Variants in ATXN7 observed in about 807,000 individuals in gnomAD.
The protein encoded by ATXN7 is ataxin-7.
In ATXN7, 12 loss-of-function variants were observed where a neutral mutation model predicts 70.5. The observed-to-expected ratio is 0.17, with a 90% CI of 0.11 to 0.28. The LOEUF (loss-of-function observed/expected upper bound fraction) is 0.28. Ranked by LOEUF, ATXN7 falls within the 10% of genes least tolerant of loss-of-function variation. The pLI, the probability that ATXN7 is intolerant of heterozygous loss-of-function variation, is 1.00. For missense variants in ATXN7, 1,256 were observed against 1,131.7 expected (o/e 1.11, Z -1.58); for synonymous variants, 498 against 448.7 (o/e 1.11, Z -1.39).
intron 8 of ATXN7, among the ~76,000 whole-genome samples, chr3:63,983,618 GAAAAA>G (rs55756729): frequency 6.8e-6 from 1 of 147,134 alleles, no homozygotes; most frequent in East Asian, 2.0e-4. Flanking sequence ...TCTTTTAAGA[GAAAAA>G]AAAAACTAGA....
intron 1 of ATXN7, 97 bp from the exon 2 acceptor site, chr3:63,898,302 T>C (rs1346484623): frequency 2.6e-5 from 4 of 152,140 alleles, no homozygotes; most frequent in Admixed American, 2.0e-4. Flanking sequence ...AAAGCACATA[T>C]AATTTTGGAA....
chr3:63,896,571 A>G (rs1703455563), intron 1 of ATXN7, among the ~76,000 whole-genome samples: 1 of 152,194 alleles, frequency 6.6e-6, no homozygotes, highest in African/African-American at 2.4e-5. Flanking sequence ...CTGTTTCTTC[A>G]GTAGTAAAAT....
intron 5 of ATXN7, among the ~76,000 whole-genome samples, chr3:63,977,534 C>T (rs17069592): frequency 0.061 from 9,343 of 152,014 alleles, 508 homozygotes; most frequent in African/African-American, 0.15. Flanking sequence ...TAGATAAACA[C>T]GGATGAATAT....
intron 4 of ATXN7, among the ~76,000 whole-genome samples, chr3:63,935,283 C>T (rs1345429345): frequency 1.3e-5 from 2 of 152,154 alleles, no homozygotes; most frequent in South Asian, 2.1e-4. Context: ...GGAGCACTGT[C>T]TCCCTATCTT....
In ATXN7 at chr3:63,884,890, C is replaced by G. The variant is rs1703040096; in HGVS notation, c.-110-13509C>G. ...CCCAAGCTGGTCTTGAACTCCTGGG[C>G]TCAAGCGATTCACCTGCCTCAGCCT... On this transcript the variant is annotated intron_variant, in intron 1 of 12. Coordinates refer to ENST00000674280, the MANE Select transcript of ATXN7 (RefSeq NM_001377405.1). Among the ~76,000 whole-genome samples, 5 of 151,504 alleles carry G rather than the reference C, an allele frequency of 3.3e-5. No individual in the cohort carries two copies. The South Asian group carries it at 1.0e-3, about 32-fold the overall frequency.
rs765596783 is a variant in ATXN7 at position 63,995,713 on chromosome 3, G to T, written c.1891G>T (p.Ala631Ser). 2 of 1,614,202 alleles carry T rather than the reference G, an allele frequency of 1.2e-6. No individual in the cohort carries two copies. The highest frequency in any genetic ancestry group is 2.2e-5 in the South Asian group (2 of 91,080). ...AACCACACTAAATGCACAGCCTGCT[G>T]CTTCAGGGGCGATGGATCCTGTGTG... ...HGTTLNAQPA[A>S]SGAMDPVCSM... is the part of the protein sequence containing the mutation. The change falls in exon 12 of 13, where the codon GCT becomes TCT. Residue 631 changes from alanine to serine, a missense_variant. Physicochemically the swap from Ala to Ser is moderately conservative, Grantham distance 99 (BLOSUM62 1). Coordinates refer to ENST00000674280, the MANE Select transcript of ATXN7 (RefSeq NM_001377405.1).
At chr3:63,914,288 A>G (rs1406441045) in intron 4 of ATXN7, among the ~76,000 whole-genome samples, 1 of 152,148 alleles carries the variant, frequency 6.6e-6, no homozygotes, top group African/African-American at 2.4e-5. Context: ...TTCTTCACTT[A>G]ACTCTGTTTC....
At chr3:63,996,745 G>A in intron 12 of ATXN7, 1 of 479,806 alleles carries the variant, frequency 2.1e-6, no homozygotes, top group Non-Finnish European at 3.7e-6. Context: ...ATTTTTAGTA[G>A]AGCTGCAGAA....
At chr3:63,892,495 C>CACACA (rs1703308141) in intron 1 of ATXN7, among the ~76,000 whole-genome samples, 2 of 126,852 alleles carry the variant, frequency 1.6e-5, no homozygotes, top group Admixed American at 1.6e-4. Context: ...ACACACACAC[C>CACACA]CACACACACA....
rs754935107 is a variant in ATXN7 at position 63,996,474 on chromosome 3, C to T, written c.2652C>T (p.Leu884=). The T allele has an allele frequency of 1.2e-6, 2 of 1,614,084 alleles. No homozygotes were observed. The highest frequency in any genetic ancestry group is 1.7e-6 in the Non-Finnish European group (2 of 1,179,938). The change falls in exon 12 of 13, where the codon CTC becomes CTT. Residue 884 remains leucine (L), a synonymous_variant. Transcript: ENST00000674280. The part of the protein sequence containing the change: ...PGAQGLMNSS[L]LHQPKARP ...CACAAGGACTGATGAACAGTTCCCTCCTTCATCAGGTAGGAAATGGACTGT... is the reference window on the plus strand; with the variant it reads ...CACAAGGACTGATGAACAGTTCCCTTCTTCATCAGGTAGGAAATGGACTGT...
At chr3:63,901,686 GC>G (rs1703647696) in intron 2 of ATXN7, 1 of 152,182 alleles carries the variant, frequency 6.6e-6, no homozygotes. Flanking sequence ...TCCCACCTTG[GC>G]CTTCCCTCCA....
intron 4 of ATXN7, among the ~76,000 whole-genome samples, chr3:63,918,202 AAACAG>A (rs1315425015): frequency 2.8e-4 from 43 of 152,218 alleles, no homozygotes; most frequent in Non-Finnish European, 5.0e-4. Flanking sequence ...CAAACAAACA[AAACAG>A]GCTTGCTAGG....
intron 2 of ATXN7, chr3:63,904,223 T>A (rs534281803): frequency 6.6e-6 from 1 of 152,302 alleles, no homozygotes; most frequent in African/African-American, 2.4e-5. Context: ...TCATTTAGCA[T>A]AATGTTTTTA....
chr3:63,871,374 T>C (rs1702586593), intron 1 of ATXN7, among the ~76,000 whole-genome samples: 1 of 152,106 alleles, frequency 6.6e-6, no homozygotes, highest in African/African-American at 2.4e-5. Flanking sequence ...TCCTTCTTGT[T>C]AAAAAAAGTA....
chr3:63,974,961 C>G (rs1310019098), intron 5 of ATXN7, among the ~76,000 whole-genome samples: 2 of 152,124 alleles, frequency 1.3e-5, no homozygotes, highest in Non-Finnish European at 2.9e-5. Context: ...TGGTGGTGAA[C>G]TGAGGTAGAT....
At position 63,995,606 on chromosome 3, in the gene ATXN7, C is replaced by T. The variant is rs1307159335; in HGVS notation, c.1784C>T (p.Ala595Val). 6.2e-7 allele frequency: 1 copy of T among 1,614,082 alleles called. No individual in the cohort carries two copies. Among genetic ancestry groups the T allele is most frequent in the African/African-American group, 1.3e-5 (1 of 74,922 alleles). Reference sequence around the variant, plus strand: ...TCACAATGTGGAGTCAGCTATCTGGCAGCAGCCACCGTCTCTACATCCCCA... The same window carrying T: ...TCACAATGTGGAGTCAGCTATCTGGTAGCAGCCACCGTCTCTACATCCCCA... ...PTSQCGVSYL[A>V]AATVSTSPVL... Residue 595 changes from alanine to valine, a missense_variant, in exon 12 of 13, where the codon GCA becomes GTA. Transcript: ENST00000674280.
intron 8 of ATXN7, among the ~76,000 whole-genome samples, chr3:63,984,209 T>TA (rs1437534516): frequency 2.4e-4 from 36 of 150,634 alleles, no homozygotes; most frequent in African/African-American, 7.8e-4. Context: ...TATCTCATTT[T>TA]TAAAAAAAAA....
intron 12 of ATXN7, among the ~76,000 whole-genome samples, chr3:63,996,936 A>C (rs1415318826): frequency 6.6e-6 from 1 of 152,192 alleles, no homozygotes; most frequent in African/African-American, 2.4e-5. Context: ...CGCTAAAATC[A>C]AACTGATCTA....
At chr3:63,942,907 G>GT (rs1459156186) in intron 4 of ATXN7, among the ~76,000 whole-genome samples, 4 of 152,162 alleles carry the variant, frequency 2.6e-5, no homozygotes, top group African/African-American at 9.7e-5. Context: ...CCTAATGAGT[G>GT]ATAGGATTGG....
Sources: gnomAD v4.1 joint callset for allele counts (sites outside exome capture counted in the v4.1 genomes callset) on GRCh38, gnomAD v4.1.1 for gene constraint, MANE v1.5 for transcripts, NCBI Gene and HGNC (gene_info 2026-07-23, HGNC 2026-07-21) for gene names.